Variants in B4GALT6 observed in about 807,000 individuals in gnomAD.
The protein encoded by B4GALT6 is beta-1,4-galactosyltransferase 6.
In B4GALT6, 14 loss-of-function variants were observed where a neutral mutation model predicts 46.3. The ratio of observed to expected loss-of-function variants is 0.30; its 90% CI spans 0.20 to 0.47. B4GALT6 has a LOEUF of 0.47. B4GALT6 is among the 20% of genes least tolerant of loss of function. The pLI is 0.99. For missense variants in B4GALT6, 386 were observed against 480.1 expected, an observed-to-expected ratio of 0.80 and a Z score of 1.83; for synonymous variants, 168 against 162.0, an observed-to-expected ratio of 1.04 and a Z score of -0.28.
the B4GALT6 span, among the ~76,000 whole-genome samples, chr18:31,696,245 T>C: frequency 6.6e-6 from 1 of 152,076 alleles, no homozygotes; most frequent in Non-Finnish European, 1.5e-5. Flanking sequence ...AGTAAAATGA[T>C]AGAGAAAAAA....
upstream of B4GALT6, chr18:31,686,495 G>C (rs1302589134): frequency 1.3e-5 from 2 of 152,152 alleles, no homozygotes; most frequent in African/African-American, 2.4e-5. Flanking sequence ...ATGGTGTCTG[G>C]GACGTAAGAG....
intron 7 of B4GALT6, 111 bp from the exon 8 acceptor site, chr18:31,626,495 C>G: frequency 1.8e-6 from 1 of 568,222 alleles, no homozygotes; most frequent in Non-Finnish European, 3.0e-6. Flanking sequence ...GTTCCCCAAC[C>G]CCTGGGCCAC....
intron 4 of B4GALT6, 23 bp from the exon 5 acceptor site, chr18:31,638,783 A>G (rs768391076): frequency 1.3e-6 from 2 of 1,530,578 alleles, no homozygotes; most frequent in East Asian, 4.5e-5. Flanking sequence ...ATAGTCATGT[A>G]TGTAAATAAA....
rs570032666 is a variant in B4GALT6, at chr18:31,623,920, C to T, written c.*1694G>A. 1.3e-5 allele frequency: 2 copies of T among 152,022 alleles called. No individual in the cohort carries two copies. The highest frequency in any genetic ancestry group is 2.4e-5 in the African/African-American group (1 of 41,550). 9.4% of individuals were successfully genotyped at this position (152,022 alleles called of 1,614,324 possible). A position where few individuals can be genotyped will look rare whatever the true frequency, so the allele number is the denominator to read the frequency against. ...ATCCTTGAGGCAAATATTATCCAAA[C>T]GTTTCTCATATATAGATTTCTATTG... On this transcript the variant is annotated 3_prime_UTR_variant, in exon 9 of 9. Transcript: ENST00000306851.
intron 6 of B4GALT6, among the ~76,000 whole-genome samples, chr18:31,629,213 A>T (rs950345451): frequency 6.6e-6 from 1 of 152,174 alleles, no homozygotes; most frequent in African/African-American, 2.4e-5. Flanking sequence ...TTTGGCTAAC[A>T]GTAGGCTATT....
intron 2 of B4GALT6, among the ~76,000 whole-genome samples, chr18:31,665,728 C>A (rs185818610): frequency 6.6e-6 from 1 of 151,924 alleles, no homozygotes; most frequent in African/African-American, 2.4e-5. Flanking sequence ...GGCAACAGAG[C>A]GAGACTCTGT....
At chr18:31,689,725 CAG>C (rs2030046837), upstream of B4GALT6, among the ~76,000 whole-genome samples, 1 of 152,058 alleles carries the variant, frequency 6.6e-6, no homozygotes, top group South Asian at 2.1e-4. Context: ...TCCTGAGCGA[CAG>C]AGCAAGAAAA....
the B4GALT6 span, among the ~76,000 whole-genome samples, chr18:31,696,185 G>A: frequency 1.4e-4 from 21 of 152,160 alleles, no homozygotes; most frequent in Non-Finnish European, 2.9e-4. Flanking sequence ...AACAGATGTT[G>A]CTGAAAACAC....
At chr18:31,710,094 C>CAAAAAAAAAAAAAAAA in the B4GALT6 span, among the ~76,000 whole-genome samples, 1 of 107,562 alleles carries the variant, frequency 9.3e-6, no homozygotes, top group Non-Finnish European at 2.0e-5. Flanking sequence ...GACTTTATCT[C>CAAAAAAAAAAAAAAAA]AAAAAAAAAA....
intron 3 of B4GALT6, among the ~76,000 whole-genome samples, chr18:31,652,167 T>C (rs140452314): frequency 4.6e-5 from 7 of 152,210 alleles, no homozygotes; most frequent in Non-Finnish European, 5.9e-5. Flanking sequence ...TCCAGATCCT[T>C]TACCCCAATC....
chr18:31,720,805 G>C, the B4GALT6 span, among the ~76,000 whole-genome samples: 1 of 152,180 alleles, frequency 6.6e-6, no homozygotes, highest in African/African-American at 2.4e-5. Context: ...AACAGAAAGA[G>C]ACCCTTCAAA....
rs748057535 is a variant in B4GALT6 at position 31,684,359 on chromosome 18, G to T, written c.68C>A (p.Ser23Tyr). 3.1e-6 allele frequency: 5 copies of T among 1,613,758 alleles called. No homozygotes were observed. The highest frequency in any genetic ancestry group is 1.7e-5 in the Admixed American group (1 of 59,996). The change falls in exon 1 of 9, where the codon TCC (serine) becomes TAC (tyrosine). Residue 23 changes from serine to tyrosine, a missense_variant. By Grantham distance (144) the Ser-to-Tyr change is moderately radical. Coordinates refer to ENST00000306851, the MANE Select transcript of B4GALT6 (RefSeq NM_004775.5). ...GAAGTACAGACAGGACGAAGAGAGG[G>T]AGAAGAAGAAGATGAAGGCGAGGAG... is the stretch of plus-strand genomic sequence containing the variant. ...RSLLAFIFFF[S>Y]LSSSCLYFIY...
chr18:31,626,255 T>C (rs1179647526), intron 8 of B4GALT6, 28 bp downstream of exon 8: 1 of 1,306,286 alleles, frequency 7.7e-7, no homozygotes, highest in Non-Finnish European at 1.1e-6. Context: ...TTGGAAACCT[T>C]GGTATCTGAA....
intron 6 of B4GALT6, among the ~76,000 whole-genome samples, chr18:31,628,718 A>G (rs7245117): frequency 0.054 from 8,209 of 152,164 alleles, 745 homozygotes; most frequent in African/African-American, 0.19. Context: ...AAGTCTATGC[A>G]CTGCCCAGAC....
At chr18:31,628,130 T>C (rs559252263) in intron 6 of B4GALT6, among the ~76,000 whole-genome samples, 1 of 152,180 alleles carries the variant, frequency 6.6e-6, no homozygotes, top group East Asian at 1.9e-4. Context: ...AAGCCTAGGG[T>C]TGTAGGAGAA....
chr18:31,721,777 T>C, the B4GALT6 span, among the ~76,000 whole-genome samples: 1 of 152,346 alleles, frequency 6.6e-6, no homozygotes, highest in Non-Finnish European at 1.5e-5. Flanking sequence ...CAATAACTCT[T>C]GCCTGAGTTT....
At chr18:31,721,615 C>T in the B4GALT6 span, among the ~76,000 whole-genome samples, 1 of 152,152 alleles carries the variant, frequency 6.6e-6, no homozygotes, top group Non-Finnish European at 1.5e-5. Flanking sequence ...TTGATAATGT[C>T]GATAGGTCTT....
intron 1 of B4GALT6, among the ~76,000 whole-genome samples, chr18:31,667,022 C>A (rs891208078): frequency 6.6e-6 from 1 of 152,146 alleles, no homozygotes; most frequent in Non-Finnish European, 1.5e-5. Flanking sequence ...TAATTATTCA[C>A]AATAAGTGCT....
At chr18:31,635,134 G>C (rs544949519) in intron 5 of B4GALT6, among the ~76,000 whole-genome samples, 1 of 152,212 alleles carries the variant, frequency 6.6e-6, no homozygotes, top group Admixed American at 6.5e-5. Context: ...GGGAGGCTGA[G>C]GCACGAGAAT....
Sources: gnomAD v4.1 joint callset for allele counts (sites outside exome capture counted in the v4.1 genomes callset) on GRCh38, gnomAD v4.1.1 for gene constraint, MANE v1.5 for transcripts, NCBI Gene and HGNC (gene_info 2026-07-23, HGNC 2026-07-21) for gene names.